Variants in CADPS observed in about 807,000 individuals in gnomAD.
The protein encoded by CADPS is calcium dependent secretion activator.
In CADPS, 57 loss-of-function variants were observed where a neutral mutation model predicts 167.3. The ratio of observed to expected loss-of-function variants is 0.34; its 90% CI spans 0.28 to 0.42. The LOEUF (loss-of-function observed/expected upper bound fraction) is 0.42. Ranked by LOEUF, CADPS falls within the 20% of genes least tolerant of loss-of-function variation. The probability of loss-of-function intolerance (pLI) is 1.00; values close to 1 mark genes in which losing one functional copy is unlikely to be tolerated. For missense variants in CADPS, 1,414 were observed against 1,738.1 expected (o/e 0.81, Z 3.32); for synonymous variants, 676 against 635.3 (o/e 1.06, Z -0.96).
chr3:62,407,356 G>GT (rs1708907393), intron 28 of CADPS, among the ~76,000 whole-genome samples: 1 of 152,168 alleles, frequency 6.6e-6, no homozygotes, highest in Non-Finnish European at 1.5e-5. Context: ...GTGTTGTAAA[G>GT]TTTTTTCTGG....
chr3:62,835,853 T>C (rs985134584), intron 1 of CADPS, among the ~76,000 whole-genome samples: 1 of 152,242 alleles, frequency 6.6e-6, no homozygotes, highest in African/African-American at 2.4e-5. Flanking sequence ...CTGTTTACAT[T>C]AAATTATTTT....
At chr3:62,443,472 G>T (rs1427559572) in intron 27 of CADPS, among the ~76,000 whole-genome samples, 1 of 152,008 alleles carries the variant, frequency 6.6e-6, no homozygotes, top group Admixed American at 6.6e-5. Context: ...CATATGGTTT[G>T]GCTGTGTCCC....
At chr3:62,542,177 G>T (rs941932378) in intron 11 of CADPS, among the ~76,000 whole-genome samples, 2 of 152,118 alleles carry the variant, frequency 1.3e-5, no homozygotes, top group African/African-American at 4.8e-5. Context: ...TAAGCTAGAG[G>T]TAGCTGTTTT....
chr3:62,689,926 C>T (rs1322673117), intron 3 of CADPS, among the ~76,000 whole-genome samples: 2 of 151,920 alleles, frequency 1.3e-5, no homozygotes, highest in African/African-American at 4.8e-5. Flanking sequence ...TCGAGGAGAT[C>T]CCATGGCAAG....
chr3:62,807,713 A>G (rs764860388), intron 1 of CADPS, among the ~76,000 whole-genome samples: 3 of 152,080 alleles, frequency 2.0e-5, no homozygotes, highest in African/African-American at 4.8e-5. Flanking sequence ...TTTATTCACA[A>G]TGATTTCAAA....
chr3:62,872,843 C>T (rs1433948769), intron 1 of CADPS, among the ~76,000 whole-genome samples: 2 of 152,138 alleles, frequency 1.3e-5, no homozygotes, highest in African/African-American at 4.8e-5. Flanking sequence ...CTTAAAGTCA[C>T]AGTTTTCATT....
In CADPS at chr3:62,516,102, C is replaced by T. The variant is rs1364648326; in HGVS notation, c.2538G>A (p.Ala846=). The T allele has an allele frequency of 6.8e-6, 11 of 1,613,196 alleles. No homozygotes were observed. Among genetic ancestry groups the T allele is most frequent in the African/African-American group, 6.7e-5 (5 of 74,876 alleles). Residue 846 remains alanine, a synonymous_variant, in exon 16 of 30, where the codon GCG becomes GCA. Transcript: ENST00000383710. ...TVIRKCLEQA[A]LVNYSRLSEY... ...CTGAGAGCCGAGAATAGTTGACTAA[C>T]GCAGCCTGTTCCAGACATTTACGGA...
chr3:62,594,335 G>A (rs1456060322), intron 6 of CADPS, among the ~76,000 whole-genome samples: 1 of 151,148 alleles, frequency 6.6e-6, no homozygotes, highest in East Asian at 1.9e-4. Flanking sequence ...CTAATTTTTT[G>A]TATTTTTAGT....
At chr3:62,441,195 A>G (rs2056248614) in intron 27 of CADPS, 2 of 152,358 alleles carry the variant, frequency 1.3e-5, no homozygotes, top group South Asian at 2.1e-4. Context: ...ATGTTTTTTA[A>G]TATCTCATAA....
chr3:62,769,867 C>T (rs930203155), intron 1 of CADPS, among the ~76,000 whole-genome samples: 1 of 152,072 alleles, frequency 6.6e-6, no homozygotes. Flanking sequence ...TTTCCCTAAG[C>T]CTTGGTTCCT....
At chr3:62,822,722 A>G (rs929858781) in intron 1 of CADPS, among the ~76,000 whole-genome samples, 1 of 152,058 alleles carries the variant, frequency 6.6e-6, no homozygotes, top group Non-Finnish European at 1.5e-5. Context: ...CATGCCTGTA[A>G]TCCCTGCTAC....
Position 62,617,737 on chromosome 3 carries a change from A to G in CADPS, c.1326-24989T>C, listed in dbSNP as rs142145404. On this transcript the variant is annotated intron_variant, in intron 6 of 29. Transcript: ENST00000383710. ...TGTCAGTTCTTTCCTTTCACAGAGAAGTGCTGGTGGTTATGGAGGGTGGCT... is the reference window on the plus strand; with the variant it reads ...TGTCAGTTCTTTCCTTTCACAGAGAGGTGCTGGTGGTTATGGAGGGTGGCT... 7.2e-5 allele frequency among the ~76,000 whole-genome samples: 11 copies of G among 152,218 alleles called. 1 individual carries two copies. In the East Asian group the frequency reaches 2.1e-3, roughly 29 times the overall value.
chr3:62,814,140 A>AATATATC (rs1475032745), intron 1 of CADPS, among the ~76,000 whole-genome samples: 1 of 152,182 alleles, frequency 6.6e-6, no homozygotes, highest in African/African-American at 2.4e-5. Context: ...AAGCACTTGT[A>AATATATC]ATATATCACC....
At chr3:62,589,577 G>A (rs1427664332) in intron 7 of CADPS, among the ~76,000 whole-genome samples, 1 of 152,150 alleles carries the variant, frequency 6.6e-6, no homozygotes, top group Non-Finnish European at 1.5e-5. Flanking sequence ...GAACCCTCTG[G>A]GCGTCAGCAT....
chr3:62,831,801 C>T (rs76874627), intron 1 of CADPS, among the ~76,000 whole-genome samples: 1 of 152,100 alleles, frequency 6.6e-6, no homozygotes, highest in African/African-American at 2.4e-5. Context: ...CTGAATTGAC[C>T]ACTTACACAG....
intron 6 of CADPS, among the ~76,000 whole-genome samples, chr3:62,619,850 C>T (rs113002862): frequency 6.6e-6 from 1 of 152,234 alleles, no homozygotes; most frequent in African/African-American, 2.4e-5. Flanking sequence ...TTCCTTTCCC[C>T]TAGTGACTGC....
At chr3:62,471,481 G>T (rs996563172) in intron 24 of CADPS, among the ~76,000 whole-genome samples, 1 of 152,088 alleles carries the variant, frequency 6.6e-6, no homozygotes, top group African/African-American at 2.4e-5. Context: ...GTTTGTGACA[G>T]CAACTCCCAC....
intron 5 of CADPS, among the ~76,000 whole-genome samples, chr3:62,646,161 C>CTTTT (rs35748758): frequency 9.0e-4 from 116 of 129,086 alleles, no homozygotes; most frequent in African/African-American, 3.2e-3. Context: ...GGAATTGGCT[C>CTTTT]TTTTTTTTTT....
intron 28 of CADPS, among the ~76,000 whole-genome samples, chr3:62,424,607 G>A (rs907527042): frequency 6.6e-6 from 1 of 152,170 alleles, no homozygotes; most frequent in South Asian, 2.1e-4. Flanking sequence ...GCTCAATAAG[G>A]TGGAAAACAG....
Sources: gnomAD v4.1 joint callset for allele counts (sites outside exome capture counted in the v4.1 genomes callset) on GRCh38, gnomAD v4.1.1 for gene constraint, MANE v1.5 for transcripts, NCBI Gene and HGNC (gene_info 2026-07-23, HGNC 2026-07-21) for gene names.